AGAP3: variants seen among roughly 807,000 people sequenced by gnomAD.
The protein encoded by AGAP3 is arf-GAP with GTPase, ANK repeat and PH domain-containing protein 3.
In AGAP3, 24 loss-of-function variants were observed where a neutral mutation model predicts 96.9. The ratio of observed to expected loss-of-function variants is 0.25; its 90% CI spans 0.18 to 0.35. The LOEUF is 0.35. Among genes scored for constraint, AGAP3 ranks in the 10% least tolerant of loss-of-function variants. The pLI, the probability that AGAP3 is intolerant of heterozygous loss-of-function variation, is 1.00. For missense variants in AGAP3, 876 were observed against 1,254.2 expected (o/e 0.70, Z 4.55); for synonymous variants, 563 against 536.1 (o/e 1.05, Z -0.69).
rs779216904 is a variant in AGAP3 at position 151,143,740 on chromosome 7, G to A, written c.2533G>A (p.Gly845Arg). 9 of 1,614,160 alleles carry A rather than the reference G, an allele frequency of 5.6e-6. No individual in the cohort carries two copies. Among genetic ancestry groups the A allele is most frequent in the South Asian group, 2.2e-5 (2 of 91,072 alleles). Residue 845 changes from glycine (G) to arginine (R), a missense_variant, in exon 18 of 18, where the codon GGG becomes AGG. Gly to Arg is a moderately radical substitution (Grantham distance 125). Around this residue, in one of 8 missense-constraint regions of AGAP3, gnomAD observed 213 missense variants for 253.8 expected, o/e 0.84. Transcript: ENST00000397238. The surrounding 1 kb of genome is among the most constrained non-coding windows in gnomAD (Gnocchi z 5.9). ...VVFTQLLIWY[G>R]VDVRSRDARG... ...CAACATGTGTTTTCTCCTACAGTAC[G>A]GGGTGGACGTGAGGAGCCGGGACGC...
In AGAP3 at chr7:151,142,685, G is replaced by A. The variant is rs768593086; in HGVS notation, c.2273+51G>A. On this transcript the variant is annotated intron_variant, in intron 16 of 17. Coordinates refer to ENST00000397238, the MANE Select transcript of AGAP3 (RefSeq NM_031946.7). The surrounding 1 kb of genome is among the most constrained non-coding windows in gnomAD (Gnocchi z 7.5). ...GCCAGGAATGGGGGAAGCGTTGGGG[G>A]CTCCCAGCATGGGGAAGATTGGAGT... 5.1e-6 allele frequency: 8 copies of A among 1,558,954 alleles called. No homozygotes were observed. The African/African-American group carries it at 6.8e-5, about 13-fold the overall frequency.
At chr7:151,106,022 G>A (rs544780372) in intron 1 of AGAP3, among the ~76,000 whole-genome samples, 43 of 152,046 alleles carry the variant, frequency 2.8e-4, no homozygotes, top group South Asian at 1.0e-3. Context: ...TTACCTCTCA[G>A]TTCCTACTTG....
At chr7:151,121,012 C>T (rs1163800362) in intron 8 of AGAP3, 2 of 243,986 alleles carry the variant, frequency 8.2e-6, no homozygotes, top group Non-Finnish European at 1.4e-5. Context: ...CCCGCCCCTC[C>T]GCGTCACTCC....
chr7:151,143,641 C>G lies in AGAP3; in HGVS notation c.2529+45C>G. On this transcript the variant is annotated intron_variant, in intron 17 of 17. Transcript: ENST00000397238. This position sits in a 1 kb window ranked among gnomAD's most constrained non-coding sequence, Gnocchi z 5.9. ...CCTGCCCTGACCTCGCTCTTCTTAG[C>G]CTTGTTCTTTGAAAGCAACCTCTTC... 1 of 1,601,054 alleles carries G rather than the reference C, an allele frequency of 6.2e-7. No individual in the cohort carries two copies. The highest frequency in any genetic ancestry group is 8.5e-7 in the Non-Finnish European group (1 of 1,171,912).
At chr7:151,094,732 T>C (rs1186785413) in intron 1 of AGAP3, among the ~76,000 whole-genome samples, 4 of 150,118 alleles carry the variant, frequency 2.7e-5, no homozygotes, top group African/African-American at 9.8e-5. Flanking sequence ...CCAGGCTGGC[T>C]GTAAACTCCT....
chr7:151,117,130 C>G lies in AGAP3; in HGVS notation c.426C>G (p.Ala142=). ...IVGNLSSGKS[A]LVHRYLTGTY... is the part of the protein sequence containing the mutation. ...GGAACCTGTCTAGCGGGAAGTCAGC[C>G]CTGGTGCACCGCTATCTGACGGGGA... Residue 142 remains alanine, a synonymous_variant, in exon 3 of 18, where the codon GCC becomes GCG. Coordinates refer to ENST00000397238, the MANE Select transcript of AGAP3 (RefSeq NM_031946.7). The G allele has an allele frequency of 6.2e-7, 1 of 1,614,118 alleles. No individual in the cohort carries two copies. Among genetic ancestry groups the G allele is most frequent in the South Asian group, 1.1e-5 (1 of 91,080 alleles).
rs959832058 is a variant in AGAP3, at chr7:151,096,477, C to CTT, written c.331+9417_331+9418dup. On this transcript the variant is annotated intron_variant, in intron 1 of 17. Transcript: ENST00000397238. The surrounding 1 kb of genome is among the most constrained non-coding windows in gnomAD (Gnocchi z 4.4). ...CACGTGTGAACTTAAATTTTCTTTT[C>CTT]TTTTTTTTTTTTTGAGGTGGAGTCT... Among the ~76,000 whole-genome samples, 3 of 145,040 alleles carry CTT rather than the reference C, an allele frequency of 2.1e-5. No homozygotes were observed. Among genetic ancestry groups the CTT allele is most frequent in the Non-Finnish European group, 3.0e-5 (2 of 65,624 alleles).
At chr7:151,127,828 C>T (rs1563503459) in intron 9 of AGAP3, among the ~76,000 whole-genome samples, 1 of 152,214 alleles carries the variant, frequency 6.6e-6, no homozygotes, top group Non-Finnish European at 1.5e-5. Flanking sequence ...CTGCATTCGT[C>T]ATCTGACAGC....
chr7:151,128,154 T>C (rs780936058), intron 9 of AGAP3, among the ~76,000 whole-genome samples: 2 of 152,132 alleles, frequency 1.3e-5, no homozygotes, highest in African/African-American at 2.4e-5. Flanking sequence ...TCTGCTGTTT[T>C]GACCCTTGGA....
chr7:151,114,815 GC>G lies in AGAP3; in HGVS notation c.332-1975del. The stretch of plus-strand genomic sequence containing the variant: ...AGGGGGACAGCTGTCCCGGGGAGCG[GC>G]CCGCCGCTTGCCGCCGCGCCCACAG... On this transcript the variant is annotated intron_variant, in intron 1 of 17. Coordinates refer to ENST00000397238, the MANE Select transcript of AGAP3 (RefSeq NM_031946.7). This position sits in a 1 kb window ranked among gnomAD's most constrained non-coding sequence, Gnocchi z 4.4. 1 of 1,057,814 alleles carries G rather than the reference GC, an allele frequency of 9.5e-7. No individual in the cohort carries two copies. The highest frequency in any genetic ancestry group is 1.1e-6 in the Non-Finnish European group (1 of 877,944). The allele number at this position is 1,057,814 out of a possible 1,614,324, so 65.5% of individuals were successfully genotyped here.
rs77602708 is a variant in AGAP3 at position 151,128,302 on chromosome 7, C to T, written c.1222-278C>T. Reference sequence around the variant, plus strand: ...TACACCCCTGACAGGCTTCTCCTGTCGAGGTGGCTCCACACACTGGGGAGG... The same window carrying T: ...TACACCCCTGACAGGCTTCTCCTGTTGAGGTGGCTCCACACACTGGGGAGG... On this transcript the variant is annotated intron_variant, in intron 9 of 17. Coordinates refer to ENST00000397238, the MANE Select transcript of AGAP3 (RefSeq NM_031946.7). 4,195 of 440,598 alleles carry T rather than the reference C, an allele frequency of 9.5e-3. 30 individuals are homozygous for T. Among genetic ancestry groups the T allele is most frequent in the Non-Finnish European group, 0.013 (3,046 of 237,396 alleles). 27.3% of individuals were successfully genotyped at this position (440,598 alleles called of 1,614,324 possible). A position where few individuals can be genotyped will look rare whatever the true frequency, so the allele number is the denominator to read the frequency against.
At chr7:151,102,923 T>A (rs1028821475) in intron 1 of AGAP3, among the ~76,000 whole-genome samples, 1 of 152,294 alleles carries the variant, frequency 6.6e-6, no homozygotes, top group Middle Eastern at 3.4e-3. Flanking sequence ...CTACAAAAAA[T>A]TTTTAAAAAT....
At chr7:151,109,332 G>A (rs978253033) in intron 1 of AGAP3, among the ~76,000 whole-genome samples, 1 of 152,182 alleles carries the variant, frequency 6.6e-6, no homozygotes, top group Non-Finnish European at 1.5e-5. Flanking sequence ...GGTTAACAGA[G>A]GGAGACCCTG....
At chr7:151,109,528 G>A (rs1040666025) in intron 1 of AGAP3, among the ~76,000 whole-genome samples, 3 of 152,084 alleles carry the variant, frequency 2.0e-5, no homozygotes, top group East Asian at 3.9e-4. Flanking sequence ...GGTGTCTGTC[G>A]ACATGCCCAA....
At position 151,138,879 on chromosome 7, in the gene AGAP3, A is replaced by G. The variant is rs544246865; in HGVS notation, c.1666+566A>G. Among the ~76,000 whole-genome samples the G allele has an allele frequency of 2.6e-5, 4 of 152,246 alleles. No individual in the cohort carries two copies. The South Asian group carries it at 8.3e-4, about 32-fold the overall frequency. ...TCCACCTGTGCTGTCCCCCTCAGAT[A>G]GGCCTCCACCCATCCTAGGTGGGTT... is the stretch of plus-strand genomic sequence containing the variant. On this transcript the variant is annotated intron_variant, in intron 12 of 17. Transcript: ENST00000397238.
chr7:151,093,393 G>A lies in AGAP3; in HGVS notation c.331+6321G>A, dbSNP rs569696644. On this transcript the variant is annotated intron_variant, in intron 1 of 17. Transcript: ENST00000397238. ...TGGACTCAAGCAATTTTTCCACCTC[G>A]GCCTCCCAAGGTGCTGGGATTACAG... Among the ~76,000 whole-genome samples the A allele has an allele frequency of 2.8e-4, 42 of 152,172 alleles. 1 individual carries two copies. The highest frequency in any genetic ancestry group is 4.7e-4 in the Non-Finnish European group (32 of 68,000).
In AGAP3 at chr7:151,142,572, C is replaced by T. The variant is rs745377702; in HGVS notation, c.2211C>T (p.Leu737=). The change falls in exon 16 of 18, where the codon CTC becomes CTT. Residue 737 remains leucine, a synonymous_variant. Coordinates refer to ENST00000397238, the MANE Select transcript of AGAP3 (RefSeq NM_031946.7). The surrounding 1 kb of genome is among the most constrained non-coding windows in gnomAD (Gnocchi z 7.5). ...TCATGACTGCCATGGGCAATGCCCT[C>T]GCCAACAGCGTCTGGGAGGGGGCCT... The part of the protein sequence containing the change: ...LAVMTAMGNA[L]ANSVWEGALG... 6.8e-6 allele frequency: 11 copies of T among 1,613,514 alleles called. 1 individual carries two copies. The South Asian group carries it at 7.7e-5, about 11-fold the overall frequency.
chr7:151,091,181 T>G (rs1056623028), intron 1 of AGAP3, among the ~76,000 whole-genome samples: 1 of 152,198 alleles, frequency 6.6e-6, no homozygotes, highest in Non-Finnish European at 1.5e-5. Context: ...CCGTGGGCCC[T>G]GCTGCACCAC....
rs1800488796 is a variant in AGAP3 at position 151,133,789 on chromosome 7, A to G, written c.1327-611A>G. 6.6e-6 allele frequency among the ~76,000 whole-genome samples: 1 copy of G among 152,202 alleles called. No homozygotes were observed. The highest frequency in any genetic ancestry group is 1.5e-5 in the Non-Finnish European group (1 of 68,032). On this transcript the variant is annotated intron_variant, in intron 10 of 17. Transcript: ENST00000397238. This position sits in a 1 kb window ranked among gnomAD's most constrained non-coding sequence, Gnocchi z 5.4. ...TAAATACCCTGCACGCGACAGGCAG[A>G]TGACATGACGGCGATGACGATGACT...
Sources: allele counts gnomAD v4.1 joint callset (sites outside exome capture counted in the v4.1 genomes callset), GRCh38; gene constraint gnomAD v4.1.1; regional missense constraint gnomAD v4.1.1; non-coding constraint Gnocchi (gnomAD v3.1); transcripts MANE v1.5; gene names NCBI Gene and HGNC (gene_info 2026-07-23, HGNC 2026-07-21).